CCDC47: variants seen among roughly 807,000 people sequenced by gnomAD.
The protein encoded by CCDC47 is coiled-coil domain containing 47, also known as PAT complex subunit CCDC47.
In CCDC47, 41 loss-of-function variants were observed where a neutral mutation model predicts 60.5. The observed-to-expected ratio is 0.68, with a 90% confidence interval of 0.53 to 0.88. CCDC47 has a LOEUF of 0.88. CCDC47 is among the 40% of genes least tolerant of loss of function. The probability of loss-of-function intolerance (pLI) is 0.00; values close to 1 mark genes in which losing one functional copy is unlikely to be tolerated. For synonymous variants in CCDC47, 195 were observed against 190.7 expected (o/e 1.02, Z -0.18); for missense variants, 513 against 580.9 (o/e 0.88, Z 1.20).
chr17:63,754,482 C>A lies in CCDC47; in HGVS notation c.985G>T (p.Glu329Ter). 6.2e-7 allele frequency: 1 copy of A among 1,609,432 alleles called. No homozygotes were observed. The highest frequency in any genetic ancestry group is 1.1e-5 in the South Asian group (1 of 90,632). ...HFLTHYADKI[E>*]SVHFSDQFSG... ...AACTGGTCTGAAAAATGAACAGATT[C>A]AATCTTGTCAGCATAGTGTGTAAGA... Residue 329 changes from glutamate to a stop codon, truncating the protein, a stop_gained, in exon 9 of 13, where the codon GAA becomes TAA. Coordinates refer to ENST00000225726, the MANE Select transcript of CCDC47 (RefSeq NM_020198.3). LOFTEE classifies it high-confidence loss of function.
At chr17:63,755,958 G>A (rs16947073) in intron 8 of CCDC47, among the ~76,000 whole-genome samples, 4,953 of 147,160 alleles carry the variant, frequency 0.034, 276 homozygotes, top group African/African-American at 0.12. Flanking sequence ...ATGACATGAC[G>A]AAAAAGATTA....
At chr17:63,761,122 C>T in intron 5 of CCDC47, 108 bp downstream of exon 5, 1 of 1,466,640 alleles carries the variant, frequency 6.8e-7, no homozygotes. Context: ...TTTTAGACCT[C>T]ATTTTAAGTC....
At chr17:63,751,365 C>CAAAAAAAAAAAAAAAAAAAAAAAAAA (rs59161342) in intron 12 of CCDC47, among the ~76,000 whole-genome samples, 1 of 29,512 alleles carries the variant, frequency 3.4e-5, no homozygotes, top group Admixed American at 7.3e-4. Flanking sequence ...GACTCCATCT[C>CAAAAAAAAAAAAAAAAAAAAAAAAAA]AAAAAAAAAA....
Position 63,768,334 on chromosome 17 carries a change from ATTTGGTTAAACTC to A in CCDC47, c.-19-2153_-19-2141del, listed in dbSNP as rs1405161775. On this transcript the variant is annotated intron_variant, in intron 1 of 12. Transcript: ENST00000225726. ...CTACAATATTATTTATGATGGTGAA[ATTTGGTTAAACTC>A]TTTGGTTAAACTATGGATGTATCAA... 2.0e-5 allele frequency among the ~76,000 whole-genome samples: 3 copies of A among 152,152 alleles called. No individual in the cohort carries two copies. The South Asian group carries it at 6.2e-4, about 31-fold the overall frequency.
At chr17:63,768,267 T>G (rs1240952212) in intron 1 of CCDC47, among the ~76,000 whole-genome samples, 1 of 152,214 alleles carries the variant, frequency 6.6e-6, no homozygotes, top group Non-Finnish European at 1.5e-5. Context: ...ATTCCTGAAC[T>G]GAACATAAAT....
At chr17:63,764,485 T>A (rs2039283268) in intron 3 of CCDC47, among the ~76,000 whole-genome samples, 1 of 152,142 alleles carries the variant, frequency 6.6e-6, no homozygotes, top group African/African-American at 2.4e-5. Context: ...CACCAAGGAA[T>A]AAATTTTACT....
rs377436276 is a variant in CCDC47 at position 63,752,311 on chromosome 17, G to A, written c.1203+9C>T. On this transcript the variant is annotated intron_variant, in intron 11 of 12. Coordinates refer to ENST00000225726, the MANE Select transcript of CCDC47 (RefSeq NM_020198.3). ...TGCCAATTTATATAATACAGGCATTGGGTCTTACTTCTCTGTTGAGTCGGA... is the reference window on the plus strand; with the variant it reads ...TGCCAATTTATATAATACAGGCATTAGGTCTTACTTCTCTGTTGAGTCGGA... 104 of 1,580,724 alleles carry A rather than the reference G, an allele frequency of 6.6e-5. No individual in the cohort carries two copies. In the African/African-American group the frequency reaches 1.3e-3, roughly 20 times the overall value.
chr17:63,767,106 A>C (rs1254786597), intron 1 of CCDC47: 1 of 168,874 alleles, frequency 5.9e-6, no homozygotes, highest in Non-Finnish European at 1.2e-5. Flanking sequence ...TGGGGCAGAG[A>C]GATGCTAAGT....
chr17:63,769,610 T>A (rs371935814), intron 1 of CCDC47, among the ~76,000 whole-genome samples: 1 of 100,604 alleles, frequency 9.9e-6, no homozygotes, highest in Non-Finnish European at 1.9e-5. Context: ...TGAAACTCCA[T>A]CTCAAAAAAA....
rs2039129910 is a variant in CCDC47, at chr17:63,747,533, A to G, written c.1372-572T>C. 3.1e-6 allele frequency: 3 copies of G among 983,568 alleles called. No individual in the cohort carries two copies. In the South Asian group the frequency reaches 1.4e-4, roughly 46 times the overall value. The allele number at this position is 983,568 out of a possible 1,614,324, so 60.9% of individuals were successfully genotyped here. A position where few individuals can be genotyped will look rare whatever the true frequency, so the allele number is the denominator to read the frequency against. On this transcript the variant is annotated intron_variant, in intron 12 of 12. Transcript: ENST00000225726. ...ATTTTTATTTAGGAATTAGGAAGTTACATAGAAGAGTAAGAAGGTTCAGGT... is the reference window on the plus strand; with the variant it reads ...ATTTTTATTTAGGAATTAGGAAGTTGCATAGAAGAGTAAGAAGGTTCAGGT...
chr17:63,768,457 G>A (rs1397086347), intron 1 of CCDC47, among the ~76,000 whole-genome samples: 2 of 150,318 alleles, frequency 1.3e-5, no homozygotes, highest in Non-Finnish European at 2.9e-5. Context: ...GGAGACTGGG[G>A]TGAGTGAACT....
intron 1 of CCDC47, among the ~76,000 whole-genome samples, chr17:63,773,069 CAG>C (rs1456548240): frequency 6.6e-6 from 1 of 152,208 alleles, no homozygotes; most frequent in Non-Finnish European, 1.5e-5. Flanking sequence ...GGAAATCATG[CAG>C]ACTTTCCTCT....
intron 4 of CCDC47, among the ~76,000 whole-genome samples, chr17:63,763,629 T>C (rs578084829): frequency 6.8e-6 from 1 of 148,094 alleles, no homozygotes; most frequent in South Asian, 2.1e-4. Context: ...ATTGAGACCA[T>C]CCTGGCCAAC....
intron 10 of CCDC47, 120 bp downstream of exon 10, chr17:63,752,621 A>G: frequency 9.6e-7 from 1 of 1,044,360 alleles, no homozygotes; most frequent in Non-Finnish European, 1.4e-6. Flanking sequence ...GAAATCAGTA[A>G]GCAAGCACAG....
chr17:63,746,447 C>A lies in CCDC47; in HGVS notation c.*434G>T. 6.4e-6 allele frequency: 1 copy of A among 156,080 alleles called. No individual in the cohort carries two copies. Among genetic ancestry groups the A allele is most frequent in the Non-Finnish European group, 1.4e-5 (1 of 70,116 alleles). 9.7% of individuals were successfully genotyped at this position (156,080 alleles called of 1,614,324 possible). ...ATTGTGCAATTCCAATCATTATTTG[C>A]AGAATCTTGGTTTAGAGTCAGTCTT... On this transcript the variant is annotated 3_prime_UTR_variant, in exon 13 of 13. Transcript: ENST00000225726.
chr17:63,754,371 G>T, intron 9 of CCDC47, 62 bp downstream of exon 9: 1 of 978,442 alleles, frequency 1.0e-6, no homozygotes, highest in Non-Finnish European at 1.6e-6. Context: ...GCACCTTACA[G>T]GTGTTTCAAC....
rs556336579 is a variant in CCDC47, at chr17:63,746,797, T to G, written c.*84A>C. 1.0e-6 allele frequency: 1 copy of G among 1,002,892 alleles called. No homozygotes were observed. 62.1% of individuals were successfully genotyped at this position (1,002,892 alleles called of 1,614,324 possible). ...GCCCAAGACTGTCTGAAATTTAAGG[T>G]TGAGAAATGGACTGGCGTTTTTCAT... On this transcript the variant is annotated 3_prime_UTR_variant, in exon 13 of 13. Transcript: ENST00000225726.
chr17:63,766,242 T>A, intron 1 of CCDC47, 48 bp from the exon 2 acceptor site: 2 of 1,509,390 alleles, frequency 1.3e-6, no homozygotes, highest in East Asian at 2.3e-5. Flanking sequence ...CTATACATAC[T>A]GATCAGATTT....
At position 63,746,540 on chromosome 17, in the gene CCDC47, G is replaced by A. The variant is rs1482724702; in HGVS notation, c.*341C>T. On this transcript the variant is annotated 3_prime_UTR_variant, in exon 13 of 13. Transcript: ENST00000225726. Reference sequence around the variant, plus strand: ...CTGGTTATCTACCTATAAATTTCACGGTATTTCTTTAAACACTGAAGTACT... The same window carrying A: ...CTGGTTATCTACCTATAAATTTCACAGTATTTCTTTAAACACTGAAGTACT... 32 of 182,628 alleles carry A rather than the reference G, an allele frequency of 1.8e-4. No individual in the cohort carries two copies. The highest frequency in any genetic ancestry group is 4.6e-5 in the Non-Finnish European group (4 of 87,310). 11.3% of individuals were successfully genotyped at this position (182,628 alleles called of 1,614,324 possible).
Sources: allele counts gnomAD v4.1 joint callset (sites outside exome capture counted in the v4.1 genomes callset), GRCh38; gene constraint gnomAD v4.1.1; transcripts MANE v1.5; gene names NCBI Gene and HGNC (gene_info 2026-07-23, HGNC 2026-07-21).